Variants in CELF2 observed in about 807,000 individuals in gnomAD.
CELF2 encodes CUG triplet repeat RNA-binding protein 2.
CELF2 carries 8 observed loss-of-function variants against 62.6 expected under a neutral mutation model. The observed-to-expected ratio is 0.13, with a 90% CI of 0.07 to 0.23. The LOEUF (loss-of-function observed/expected upper bound fraction) is 0.23. Among genes scored for constraint, CELF2 ranks in the 10% least tolerant of loss-of-function variants. The pLI is 1.00. For missense variants in CELF2, 333 were observed against 671.0 expected, an observed-to-expected ratio of 0.50 and a Z score of 5.56; for synonymous variants, 258 against 250.0, an observed-to-expected ratio of 1.03 and a Z score of -0.30.
the CELF2 span, among the ~76,000 whole-genome samples, chr10:10,710,806 C>T: frequency 6.6e-6 from 1 of 151,998 alleles, no homozygotes; most frequent in Non-Finnish European, 1.5e-5. Context: ...ATTTAATACC[C>T]TCCTCATTTT....
chr10:11,146,049 T>A (rs2062210789), intron 1 of CELF2, among the ~76,000 whole-genome samples: 1 of 152,244 alleles, frequency 6.6e-6, no homozygotes, highest in Admixed American at 6.5e-5. Context: ...GGCCTCTTTG[T>A]GCTTGTTCTG....
chr10:10,677,190 T>C, the CELF2 span, among the ~76,000 whole-genome samples: 468 of 152,292 alleles, frequency 3.1e-3, 2 homozygotes, highest in African/African-American at 0.011. Context: ...TAAAATACTT[T>C]GGAGGTTCAC....
rs934818640 is a variant in CELF2, at chr10:11,269,682, A to G, written c.619-984A>G. ...GAAGAGGCTGGGGAAGGAGGGGGAG[A>G]CTTCTGCTGAGTTACTTACCAAGTG... On this transcript the variant is annotated intron_variant, in intron 6 of 12. Transcript: ENST00000633077. The surrounding 1 kb of genome is among the most constrained non-coding windows in gnomAD (Gnocchi z 4.4). 6.8e-6 allele frequency among the ~76,000 whole-genome samples: 1 copy of G among 146,174 alleles called. No homozygotes were observed. Among genetic ancestry groups the G allele is most frequent in the African/African-American group, 2.5e-5 (1 of 40,366 alleles).
chr10:11,332,204 A>G lies in CELF2; in HGVS notation c.*3151A>G, dbSNP rs2096039258. ...CACCTAACAATCCTGTATGCTTTTG[A>G]GATCACGTTTAGTGCTATGTCCTAG... is the stretch of plus-strand genomic sequence containing the variant. On this transcript the variant is annotated 3_prime_UTR_variant, in exon 13 of 13. Transcript: ENST00000633077. The G allele has an allele frequency of 6.6e-6, 1 of 152,188 alleles. No individual in the cohort carries two copies. Among genetic ancestry groups the G allele is most frequent in the Non-Finnish European group, 1.5e-5 (1 of 68,024 alleles). The allele number at this position is 152,188 out of a possible 1,614,324, so 9.4% of individuals were successfully genotyped here.
At chr10:11,029,021 C>T (rs1404966364) in intron 1 of CELF2, among the ~76,000 whole-genome samples, 1 of 152,138 alleles carries the variant, frequency 6.6e-6, no homozygotes, top group African/African-American at 2.4e-5. Flanking sequence ...GCCAAGGACA[C>T]GATTTTGATG....
intron 8 of CELF2, among the ~76,000 whole-genome samples, chr10:11,284,391 G>T: frequency 6.6e-6 from 1 of 150,964 alleles, no homozygotes; most frequent in African/African-American, 2.4e-5. Flanking sequence ...GGATGACGGA[G>T]GGGTGGGTGG....
intron 1 of CELF2, among the ~76,000 whole-genome samples, chr10:11,066,427 G>A (rs950099156): frequency 6.6e-6 from 1 of 152,146 alleles, no homozygotes; most frequent in East Asian, 1.9e-4. Flanking sequence ...TTATAGGGGA[G>A]GACCCGGAGA....
intron 2 of CELF2, among the ~76,000 whole-genome samples, chr10:11,170,258 G>GA (rs2133580684): frequency 6.6e-6 from 1 of 152,302 alleles, no homozygotes; most frequent in Non-Finnish European, 1.5e-5. Flanking sequence ...GGGCATTCAG[G>GA]AAGGAGTAAC....
intron 1 of CELF2, among the ~76,000 whole-genome samples, chr10:10,890,277 G>A (rs530737460): frequency 6.6e-6 from 1 of 152,106 alleles, no homozygotes; most frequent in Non-Finnish European, 1.5e-5. Context: ...GGCATGGATC[G>A]CTCAAAGGTG....
At chr10:10,969,518 C>T (rs186895353) in intron 2 of CELF2, among the ~76,000 whole-genome samples, 22 of 152,296 alleles carry the variant, frequency 1.4e-4, no homozygotes, top group Non-Finnish European at 8.8e-5. Flanking sequence ...TAAACATCCC[C>T]GTTGTGCTAC....
At chr10:10,755,946 A>G in the CELF2 span, among the ~76,000 whole-genome samples, 4 of 152,230 alleles carry the variant, frequency 2.6e-5, no homozygotes, top group East Asian at 5.8e-4. Flanking sequence ...CCTAATGACC[A>G]TCCCTCTGTT....
At chr10:10,636,298 G>A in the CELF2 span, among the ~76,000 whole-genome samples, 50 of 152,076 alleles carry the variant, frequency 3.3e-4, no homozygotes, top group African/African-American at 1.1e-3. Flanking sequence ...CTTCCTCTCT[G>A]TTCTCTTCTG....
At chr10:11,018,290 C>G (rs1358582480) in intron 1 of CELF2, 127 bp downstream of exon 1, 35 of 704,720 alleles carry the variant, frequency 5.0e-5, no homozygotes, top group Non-Finnish European at 5.1e-5. Context: ...CGTCGCCTCC[C>G]TCGGCCTTCG....
At chr10:10,909,788 A>G (rs2063651582) in intron 1 of CELF2, among the ~76,000 whole-genome samples, 5 of 152,136 alleles carry the variant, frequency 3.3e-5, no homozygotes, top group Admixed American at 2.6e-4. Flanking sequence ...ATTACTTGTC[A>G]TTATGTATTC....
chr10:10,490,544 C>G, the CELF2 span, among the ~76,000 whole-genome samples: 2 of 143,710 alleles, frequency 1.4e-5, no homozygotes, highest in African/African-American at 5.2e-5. Flanking sequence ...CAGAGATTAT[C>G]ATTTATAATC....
intron 1 of CELF2, among the ~76,000 whole-genome samples, chr10:11,127,855 T>G (rs2058983259): frequency 6.6e-6 from 1 of 152,240 alleles, no homozygotes. Context: ...GATGGTAGTT[T>G]CTTTTGCCAT....
the CELF2 span, among the ~76,000 whole-genome samples, chr10:10,732,582 G>A: frequency 1.3e-5 from 2 of 149,490 alleles, no homozygotes; most frequent in Non-Finnish European, 1.5e-5. Context: ...GGAGTGCAGT[G>A]GTACATTCTT....
chr10:11,084,363 A>G (rs754337186), intron 1 of CELF2, among the ~76,000 whole-genome samples: 9 of 152,234 alleles, frequency 5.9e-5, no homozygotes, highest in Admixed American at 1.3e-4. Context: ...GGTAGATGCT[A>G]TGCTTAGGTC....
intron 7 of CELF2, among the ~76,000 whole-genome samples, chr10:11,272,773 T>C (rs1173290690): frequency 2.0e-5 from 3 of 152,252 alleles, no homozygotes. Flanking sequence ...GAGTGATAGA[T>C]TCTGACCCTG....
Sources: allele counts gnomAD v4.1 joint callset (sites outside exome capture counted in the v4.1 genomes callset), GRCh38; gene constraint gnomAD v4.1.1; non-coding constraint Gnocchi (gnomAD v3.1); transcripts MANE v1.5; gene names NCBI Gene and HGNC (gene_info 2026-07-23, HGNC 2026-07-21).